Variants in DNAJC13 observed in about 807,000 individuals in gnomAD.
The protein encoded by DNAJC13 is dnaJ homolog subfamily C member 13.
Under a neutral mutation model 290.5 loss-of-function variants are expected in DNAJC13, and 75 were observed. The observed-to-expected ratio is 0.26, with a 90% CI of 0.21 to 0.31. The LOEUF is 0.31. Ranked by LOEUF, DNAJC13 falls within the 10% of genes least tolerant of loss-of-function variation. The pLI is 1.00. For synonymous variants in DNAJC13, 862 were observed against 892.0 expected (o/e 0.97, Z 0.60); for missense variants, 2,260 against 2,674.5 (o/e 0.85, Z 3.42).
At chr3:132,464,527 G>A (rs916156591) in intron 17 of DNAJC13, among the ~76,000 whole-genome samples, 4 of 151,894 alleles carry the variant, frequency 2.6e-5, no homozygotes, top group Non-Finnish European at 4.4e-5. Context: ...TGAGTTAAAC[G>A]TTTAGTTTGT....
At chr3:132,535,337 C>G (rs1936557590) in intron 55 of DNAJC13, among the ~76,000 whole-genome samples, 1 of 152,188 alleles carries the variant, frequency 6.6e-6, no homozygotes, top group South Asian at 2.1e-4. Context: ...ATGAGACTGC[C>G]TATTTCCATA....
intron 43 of DNAJC13, among the ~76,000 whole-genome samples, chr3:132,509,991 C>G (rs1935723060): frequency 6.6e-6 from 1 of 152,022 alleles, no homozygotes; most frequent in Admixed American, 6.5e-5. Flanking sequence ...GATGGGGTGA[C>G]CACTGACAGC....
chr3:132,471,059 G>GT (rs1934222147), intron 20 of DNAJC13, among the ~76,000 whole-genome samples: 1 of 138,632 alleles, frequency 7.2e-6, no homozygotes, highest in African/African-American at 2.7e-5. Context: ...GGCTGGCCAG[G>GT]CGGGGGGCTT....
At position 132,466,343 on chromosome 3, in the gene DNAJC13, T is replaced by C. The variant is rs758449171; in HGVS notation, c.2013T>C (p.Pro671=). Residue 671 remains proline, a synonymous_variant, in exon 19 of 56, where the codon CCT becomes CCC. Transcript: ENST00000260818. ...LAYLESSDLV[P]EKDADRMHVR... The stretch of plus-strand genomic sequence containing the variant: ...ACTTGGAAAGCTCAGATCTCGTACC[T>C]GAGAAGGATGCTGATCGGATGCATG... The C allele has an allele frequency of 5.0e-6, 8 of 1,603,416 alleles. No homozygotes were observed. Among genetic ancestry groups the C allele is most frequent in the Admixed American group, 3.5e-5 (2 of 56,754 alleles).
intron 27 of DNAJC13, among the ~76,000 whole-genome samples, chr3:132,482,620 C>T (rs1163046803): frequency 6.6e-6 from 1 of 151,946 alleles, no homozygotes. Context: ...CCTGTAATTC[C>T]GGCACTGTGG....
At chr3:132,496,699 C>T in intron 36 of DNAJC13, 36 bp downstream of exon 36, 3 of 1,568,634 alleles carry the variant, frequency 1.9e-6, no homozygotes, top group Non-Finnish European at 2.6e-6. Flanking sequence ...ATTTATCCTC[C>T]AGCTAACCTT....
At position 132,531,093 on chromosome 3, in the gene DNAJC13, C is replaced by G; in HGVS notation, c.6621C>G (p.Leu2207=). The change falls in exon 55 of 56, where the codon CTC becomes CTG. Residue 2207 remains leucine, a synonymous_variant. Coordinates refer to ENST00000260818, the MANE Select transcript of DNAJC13 (RefSeq NM_015268.4). ...CTGAGTCACAAACAGCAGGATACCTCACAGGTAAGCCATACCTAATTGGTT... is the reference window on the plus strand; with the variant it reads ...CTGAGTCACAAACAGCAGGATACCTGACAGGTAAGCCATACCTAATTGGTT... ...FISESQTAGY[L]TGPGVAGYLT... 1.2e-6 allele frequency: 2 copies of G among 1,613,840 alleles called. No homozygotes were observed. Among genetic ancestry groups the G allele is most frequent in the South Asian group, 1.1e-5 (1 of 91,080 alleles).
intron 1 of DNAJC13, among the ~76,000 whole-genome samples, chr3:132,430,432 C>T (rs6439356): frequency 0.62 from 93,831 of 151,872 alleles, 31,286 homozygotes; most frequent in East Asian, 0.94. Flanking sequence ...GGTCATGCCC[C>T]GTGTTTTTTA....
chr3:132,471,282 C>T lies in DNAJC13; in HGVS notation c.2209-1863C>T, dbSNP rs1332301563. ...CTCCCTCCCGGATGGCACGGCTGGCCGGTCGGGGGGGCTGACCCCCCACCT... is the reference window on the plus strand; with the variant it reads ...CTCCCTCCCGGATGGCACGGCTGGCTGGTCGGGGGGGCTGACCCCCCACCT... On this transcript the variant is annotated intron_variant, in intron 20 of 55. Coordinates refer to ENST00000260818, the MANE Select transcript of DNAJC13 (RefSeq NM_015268.4). Among the ~76,000 whole-genome samples, 353 of 122,110 alleles carry T rather than the reference C, an allele frequency of 2.9e-3. 2 individuals are homozygous for T. Among genetic ancestry groups the T allele is most frequent in the Middle Eastern group, 5.0e-3 (1 of 200 alleles). The allele number at this position is 122,110 out of a possible 152,430, so 80.1% of individuals were successfully genotyped here.
rs1935041018 is a variant in DNAJC13, at chr3:132,490,899, A to G, written c.3471A>G (p.Thr1157=). The G allele has an allele frequency of 6.3e-7, 1 of 1,577,572 alleles. No individual in the cohort carries two copies. The highest frequency in any genetic ancestry group is 8.6e-7 in the Non-Finnish European group (1 of 1,166,566). ...HTKQAFKSEE[T]KGQDIFQRSI... The stretch of plus-strand genomic sequence containing the variant: ...TTTTGTTTTGTTTTGTTTTGAAGAC[A>G]AAAGGACAAGATATTTTTCAGAGAA... Residue 1157 remains threonine (T), a splice_region_variant and synonymous_variant, in exon 32 of 56, where the codon ACA becomes ACG. Transcript: ENST00000260818.
chr3:132,479,579 C>A (rs1053817309), intron 25 of DNAJC13, among the ~76,000 whole-genome samples: 1 of 151,940 alleles, frequency 6.6e-6, no homozygotes, highest in African/African-American at 2.4e-5. Context: ...TAAAAATTAG[C>A]TTATTTTTCT....
intron 13 of DNAJC13, among the ~76,000 whole-genome samples, chr3:132,459,412 G>A (rs1320297487): frequency 1.3e-5 from 2 of 152,250 alleles, no homozygotes; most frequent in African/African-American, 2.4e-5. Flanking sequence ...GTTGCCAGGG[G>A]CTTGGGAGGA....
At chr3:132,446,767 G>C (rs1300430856) in intron 3 of DNAJC13, among the ~76,000 whole-genome samples, 1 of 152,020 alleles carries the variant, frequency 6.6e-6, no homozygotes, top group Non-Finnish European at 1.5e-5. Context: ...GGGCTCTCAA[G>C]GGTATAACTT....
chr3:132,529,461 G>A (rs1936349770), intron 54 of DNAJC13, among the ~76,000 whole-genome samples: 1 of 152,102 alleles, frequency 6.6e-6, no homozygotes, highest in African/African-American at 2.4e-5. Context: ...TCATACCATT[G>A]TCATTCTATC....
Position 132,462,554 on chromosome 3 carries a change from A to G in DNAJC13, c.1770+31A>G, listed in dbSNP as rs1378098030. 9.8e-6 allele frequency: 15 copies of G among 1,534,108 alleles called. No individual in the cohort carries two copies. In the East Asian group the frequency reaches 3.5e-4, roughly 35 times the overall value. ...AGAACAATTTTGAAATTTTAACCTT[A>G]CTTGAATGTTGATAGGCTGTTTTAA... On this transcript the variant is annotated intron_variant, in intron 16 of 55. Coordinates refer to ENST00000260818, the MANE Select transcript of DNAJC13 (RefSeq NM_015268.4).
At chr3:132,420,487 T>C (rs1287596999) in intron 1 of DNAJC13, among the ~76,000 whole-genome samples, 1 of 152,096 alleles carries the variant, frequency 6.6e-6, no homozygotes, top group East Asian at 1.9e-4. Flanking sequence ...AGTGCTGCCC[T>C]CCTGAGATTC....
intron 1 of DNAJC13, among the ~76,000 whole-genome samples, chr3:132,426,249 A>G (rs550313773): frequency 7.2e-4 from 110 of 152,300 alleles, no homozygotes; most frequent in African/African-American, 1.3e-3. Context: ...GTAATTTAGG[A>G]TATAGCATGA....
intron 53 of DNAJC13, 34 bp from the exon 54 acceptor site, chr3:132,528,155 C>T (rs1395830555): frequency 1.2e-6 from 2 of 1,602,470 alleles, no homozygotes; most frequent in Admixed American, 1.7e-5. Context: ...TGCATTTTTT[C>T]TGTGTGTTTA....
intron 33 of DNAJC13, among the ~76,000 whole-genome samples, chr3:132,493,080 A>C (rs1163042072): frequency 1.3e-5 from 2 of 152,014 alleles, no homozygotes; most frequent in Non-Finnish European, 2.9e-5. Context: ...AAATATTGGT[A>C]ATAATAGCAG....
Sources: gnomAD v4.1 joint callset for allele counts (sites outside exome capture counted in the v4.1 genomes callset) on GRCh38, gnomAD v4.1.1 for gene constraint, MANE v1.5 for transcripts, NCBI Gene and HGNC (gene_info 2026-07-23, HGNC 2026-07-21) for gene names.